The following KCNMB3 variants were observed in gnomAD, a reference collection of about 807,000 sequenced individuals.
KCNMB3 encodes the protein potassium calcium-activated channel subfamily M regulatory beta subunit 3, also known as calcium-activated potassium channel subunit beta-3.
In KCNMB3, 18 loss-of-function variants were observed where a neutral mutation model predicts 11.9. The ratio of observed to expected loss-of-function variants is 1.51; its 90% CI spans 1.04 to 2.23. The LOEUF is 2.23. Ranked by LOEUF, KCNMB3 falls within the 30% of genes most tolerant of loss-of-function variation. The pLI is 0.00. For synonymous variants in KCNMB3, 78 were observed against 119.2 expected (o/e 0.65, Z 2.25); for missense variants, 247 against 329.4 (o/e 0.75, Z 1.94).
rs1380160720 is a variant in KCNMB3, at chr3:179,260,246, G to A, written c.62+6403C>T. On this transcript the variant is annotated intron_variant, in intron 1 of 3. Coordinates refer to the KCNMB3 transcript ENST00000349697. Reference sequence around the variant, plus strand: ...ATGGCTCAAGGGGAGTTCTGGTCCTGTCATCTGGTGCACCCATGACCTCAT... The same window carrying A: ...ATGGCTCAAGGGGAGTTCTGGTCCTATCATCTGGTGCACCCATGACCTCAT... 5.0e-6 allele frequency: 8 copies of A among 1,613,818 alleles called. No homozygotes were observed. The African/African-American group carries it at 1.1e-4, about 22-fold the overall frequency.
intron 1 of KCNMB3, chr3:179,260,335 G>A: frequency 1.2e-6 from 2 of 1,613,990 alleles, no homozygotes; most frequent in South Asian, 2.2e-5. Flanking sequence ...CTTTGAACCT[G>A]TTCCTCATAG....
intron 1 of KCNMB3, chr3:179,260,393 T>C: frequency 1.2e-6 from 2 of 1,614,004 alleles, no homozygotes; most frequent in South Asian, 2.2e-5. Flanking sequence ...CTTCAGAGGA[T>C]TTCTGGTCCT....
upstream of KCNMB3, among the ~76,000 whole-genome samples, chr3:179,252,731 C>CTTTTTTT: frequency 7.8e-6 from 1 of 128,570 alleles, no homozygotes; most frequent in Non-Finnish European, 1.7e-5. Flanking sequence ...TGAACCTGTA[C>CTTTTTTT]TTTTTTTTTT....
intron 1 of KCNMB3, among the ~76,000 whole-genome samples, chr3:179,249,247 T>A (rs1725750525): frequency 6.7e-6 from 1 of 150,362 alleles, no homozygotes. Flanking sequence ...TCTCCTGACC[T>A]CGTGATCCAC....
upstream of KCNMB3, among the ~76,000 whole-genome samples, chr3:179,254,375 GA>G (rs1482188287): frequency 1.3e-5 from 2 of 152,236 alleles, no homozygotes; most frequent in East Asian, 3.8e-4. Flanking sequence ...TTTACAGCCT[GA>G]ATTCATACTA....
At chr3:179,261,397 G>C in intron 1 of KCNMB3, 1 of 1,075,340 alleles carries the variant, frequency 9.3e-7, no homozygotes, top group Non-Finnish European at 1.1e-6. Flanking sequence ...TCGCCGCGAA[G>C]TGAACGCTCG....
intron 1 of KCNMB3, chr3:179,260,260 C>T: frequency 6.2e-7 from 1 of 1,613,946 alleles, no homozygotes; most frequent in East Asian, 2.2e-5. Context: ...TCTGGTGCAC[C>T]CATGACCTCA....
intron 1 of KCNMB3, among the ~76,000 whole-genome samples, chr3:179,257,219 T>A (rs1210099631): frequency 6.6e-6 from 1 of 152,220 alleles, no homozygotes; most frequent in Non-Finnish European, 1.5e-5. Context: ...TACATATAGA[T>A]GGTCCCCCAA....
At chr3:179,257,834 T>G (rs1285414203) in intron 1 of KCNMB3, among the ~76,000 whole-genome samples, 1 of 152,024 alleles carries the variant, frequency 6.6e-6, no homozygotes, top group African/African-American at 2.4e-5. Context: ...AAACTTGGCT[T>G]CCCAATGTGC....
upstream of KCNMB3, chr3:179,251,416 C>T: frequency 1.4e-6 from 2 of 1,426,024 alleles, no homozygotes; most frequent in Non-Finnish European, 1.8e-6. Context: ...GGCAGCATAT[C>T]CACCACCAGA....
chr3:179,261,085 C>T lies in KCNMB3; in HGVS notation c.62+5564G>A, dbSNP rs531541532. The T allele has an allele frequency of 1.1e-4, 120 of 1,132,782 alleles. 1 individual carries two copies. In the South Asian group the frequency reaches 1.5e-3, roughly 14 times the overall value. 70.2% of individuals were successfully genotyped at this position (1,132,782 alleles called of 1,614,324 possible). A position where few individuals can be genotyped will look rare whatever the true frequency, so the allele number is the denominator to read the frequency against. On this transcript the variant is annotated intron_variant, in intron 1 of 3. Coordinates refer to the KCNMB3 transcript ENST00000349697. ...ACGGGCCCAGCATGTTACGAGACCC[C>T]TTCTCAGTAAAATATTTTTCTGGTC...
chr3:179,256,568 T>C (rs1726018687), upstream of KCNMB3, among the ~76,000 whole-genome samples: 2 of 152,172 alleles, frequency 1.3e-5, no homozygotes, highest in East Asian at 1.9e-4. Flanking sequence ...GTAACAGTGA[T>C]AATTTTTCCA....
Position 179,266,602 on chromosome 3 carries a change from G to C in KCNMB3, c.62+47C>G, listed in dbSNP as rs1458182227. On this transcript the variant is annotated intron_variant, in intron 1 of 3. Coordinates refer to the KCNMB3 transcript ENST00000349697. ...ATGTCCCCTCTTCTTGCAACTGCTT[G>C]TTCAGCCAGATTCCCACTACCGGCA... 6 of 1,609,172 alleles carry C rather than the reference G, an allele frequency of 3.7e-6. No individual in the cohort carries two copies. The East Asian group carries it at 1.3e-4, about 36-fold the overall frequency.
chr3:179,251,395 C>T (rs1343195710), upstream of KCNMB3: 12 of 1,428,004 alleles, frequency 8.4e-6, no homozygotes, highest in Admixed American at 1.2e-4. Context: ...TTCATATTCA[C>T]CTGTTGGAAA....
chr3:179,260,159 C>T lies in KCNMB3; in HGVS notation c.62+6490G>A. 5 of 1,611,124 alleles carry T rather than the reference C, an allele frequency of 3.1e-6. No homozygotes were observed. In the Admixed American group the frequency reaches 8.3e-5, roughly 27 times the overall value. On this transcript the variant is annotated intron_variant, in intron 1 of 3. Transcript: ENST00000349697. ...TGTCTGCCTGCTCTCCAACCTGAGT[C>T]ACCGCTGCCTCTCCCACATTCTCTG...
downstream of KCNMB3, chr3:179,239,782 T>C: frequency 2.4e-6 from 1 of 419,252 alleles, no homozygotes; most frequent in East Asian, 3.5e-5. Context: ...TTCTCTATAT[T>C]TTGTCATTCA....
At position 179,244,574 on chromosome 3, in the gene KCNMB3, T is replaced by C. The variant is rs1725570923; in HGVS notation, c.368A>G (p.Gln123Arg). 2 of 1,614,000 alleles carry C rather than the reference T, an allele frequency of 1.2e-6. No individual in the cohort carries two copies. The highest frequency in any genetic ancestry group is 1.1e-5 in the South Asian group (1 of 91,086). The change falls in exon 2 of 3, where the codon CAG becomes CGG. Residue 123 changes from glutamine (Q) to arginine (R), a missense_variant. Gln to Arg is a conservative substitution (Grantham distance 43). Around this residue, in one of 2 missense-constraint regions of KCNMB3, gnomAD observed 160 missense variants for 157.5 expected, o/e 1.02. Coordinates refer to ENST00000392685, the MANE Select transcript of KCNMB3 (RefSeq NM_171830.2). ...CHGQGKYPCL[Q>R]VFVNLSHPGQ... ...TGGATGGCTGAGGTTCACAAACACC[T>C]GAAGACACGGGTACTTCCCCTGACC...
At chr3:179,263,749 A>G (rs1726293394) in intron 1 of KCNMB3, among the ~76,000 whole-genome samples, 1 of 144,262 alleles carries the variant, frequency 6.9e-6, no homozygotes, top group Non-Finnish European at 1.5e-5. Flanking sequence ...GCTCTATATT[A>G]GGTTTTTTGT....
At chr3:179,262,429 G>C (rs7619835) in intron 1 of KCNMB3, among the ~76,000 whole-genome samples, 15,202 of 152,104 alleles carry the variant, frequency 0.1, 1,068 homozygotes, top group African/African-American at 0.19. Context: ...CCTGGCTTCA[G>C]GAGTGAAGCT....
Sources: allele counts gnomAD v4.1 joint callset (sites outside exome capture counted in the v4.1 genomes callset), GRCh38; gene constraint gnomAD v4.1.1; regional missense constraint gnomAD v4.1.1; transcripts MANE v1.5; gene names NCBI Gene and HGNC (gene_info 2026-07-23, HGNC 2026-07-21).